The following SPRYD7 variants were observed in gnomAD, a reference collection of about 807,000 sequenced individuals.
SPRYD7 encodes the protein SPRY domain-containing protein 7.
In SPRYD7, 14 loss-of-function variants were observed where a neutral mutation model predicts 23.8. That is an observed-to-expected ratio of 0.59 (90% CI 0.39 to 0.92). The LOEUF is 0.92. Among genes scored for constraint, SPRYD7 ranks in the 40% least tolerant of loss-of-function variants. SPRYD7 has a pLI of 0.00. For missense variants in SPRYD7, 194 were observed against 241.7 expected, an observed-to-expected ratio of 0.80 and a Z score of 1.31; for synonymous variants, 75 against 84.9, an observed-to-expected ratio of 0.88 and a Z score of 0.64.
intron 3 of SPRYD7, among the ~76,000 whole-genome samples, chr13:49,925,536 G>A (rs550291434): frequency 8.5e-5 from 13 of 152,210 alleles, no homozygotes; most frequent in South Asian, 4.2e-4. Flanking sequence ...AGTAGGCCGG[G>A]CACGGTGGCT....
Position 49,922,296 on chromosome 13 carries a change from TATAA to T in SPRYD7, c.391-720_391-717del, listed in dbSNP as rs1566403322. Among the ~76,000 whole-genome samples the T allele has an allele frequency of 1.1e-4, 16 of 148,878 alleles. No homozygotes were observed. The South Asian group carries it at 3.3e-3, about 31-fold the overall frequency. ...TGTTAAAATAATTATTTTATAATTA[TATAA>T]ATAAAATATTTATTTGTATAAATAT... is the stretch of plus-strand genomic sequence containing the variant. On this transcript the variant is annotated intron_variant, in intron 3 of 4. Transcript: ENST00000361840.
intron 1 of SPRYD7, 68 bp downstream of exon 1, chr13:49,936,062 G>A (rs1871610167): frequency 2.6e-6 from 3 of 1,173,642 alleles, no homozygotes; most frequent in Admixed American, 5.5e-5. Context: ...CTCTGACCCT[G>A]AAGGTCCCCC....
intron 4 of SPRYD7, among the ~76,000 whole-genome samples, chr13:49,917,316 G>A (rs1955763788): frequency 6.6e-6 from 1 of 152,130 alleles, no homozygotes; most frequent in Non-Finnish European, 1.5e-5. Context: ...TGTTAGCCAG[G>A]ATGGTCTCAA....
intron 2 of SPRYD7, among the ~76,000 whole-genome samples, chr13:49,929,532 G>A (rs1356993208): frequency 6.6e-6 from 1 of 152,066 alleles, no homozygotes; most frequent in East Asian, 1.9e-4. Context: ...GTCTTGTACT[G>A]TTGCCCAGGC....
chr13:49,921,696 T>C, intron 3 of SPRYD7, 116 bp from the exon 4 acceptor site: 1 of 636,870 alleles, frequency 1.6e-6, no homozygotes, highest in Non-Finnish European at 2.8e-6. Flanking sequence ...TCATTAAGGG[T>C]TGACAATTTG....
intron 4 of SPRYD7, among the ~76,000 whole-genome samples, chr13:49,915,494 A>T (rs1470228335): frequency 2.0e-5 from 3 of 152,258 alleles, no homozygotes; most frequent in South Asian, 2.1e-4. Flanking sequence ...ATTACTTTTT[A>T]AAAAAATGTT....
rs770956032 is a variant in SPRYD7 at position 49,915,057 on chromosome 13, A to G, written c.*6T>C. On this transcript the variant is annotated 3_prime_UTR_variant, in exon 5 of 5. Transcript: ENST00000361840. ...GCAGAAATACAAGTTTTAAAAACAA[A>G]TACATTCAGAAGATTTGCTGTTCAA... is the stretch of plus-strand genomic sequence containing the variant. The G allele has an allele frequency of 2.0e-6, 3 of 1,518,240 alleles. No individual in the cohort carries two copies. The highest frequency in any genetic ancestry group is 3.5e-4 in the Middle Eastern group (2 of 5,758). 94.0% of individuals were successfully genotyped at this position (1,518,240 alleles called of 1,614,324 possible). A position where few individuals can be genotyped will look rare whatever the true frequency, so the allele number is the denominator to read the frequency against.
chr13:49,917,637 A>G (rs1955767459), intron 4 of SPRYD7, among the ~76,000 whole-genome samples: 1 of 152,254 alleles, frequency 6.6e-6, no homozygotes, highest in African/African-American at 2.4e-5. Context: ...ATAATTTAGT[A>G]TCTATAACCT....
intron 1 of SPRYD7, among the ~76,000 whole-genome samples, chr13:49,931,572 A>C (rs1014798933): frequency 1.3e-5 from 2 of 152,238 alleles, no homozygotes; most frequent in African/African-American, 4.8e-5. Flanking sequence ...ACTTTGAAAT[A>C]TAGCTGAATT....
chr13:49,917,053 T>C (rs1460332402), intron 4 of SPRYD7, among the ~76,000 whole-genome samples: 1 of 152,204 alleles, frequency 6.6e-6, no homozygotes, highest in South Asian at 2.1e-4. Flanking sequence ...TGAAAATTAT[T>C]GAGAGCTCAG....
intron 1 of SPRYD7, 46 bp downstream of exon 1, chr13:49,936,084 C>T: frequency 2.1e-6 from 3 of 1,451,984 alleles, no homozygotes; most frequent in African/African-American, 1.4e-5. Context: ...GCCCGCCGCG[C>T]CCGGCCCCCG....
chr13:49,933,445 T>C (rs1871469572), intron 1 of SPRYD7, among the ~76,000 whole-genome samples: 1 of 151,666 alleles, frequency 6.6e-6, no homozygotes, highest in Non-Finnish European at 1.5e-5. Flanking sequence ...CTACTAAAAA[T>C]ACAAAAATTA....
At position 49,924,449 on chromosome 13, in the gene SPRYD7, T is replaced by C. The variant is rs372068237; in HGVS notation, c.391-2869A>G. Among the ~76,000 whole-genome samples, 5 of 152,068 alleles carry C rather than the reference T, an allele frequency of 3.3e-5. No homozygotes were observed. In the East Asian group the frequency reaches 7.7e-4, roughly 24 times the overall value. ...TGCCACTATGCCCGGCTAATTTTCT[T>C]TTTAAATTTTATTTATTTATTTATT... is the stretch of plus-strand genomic sequence containing the variant. On this transcript the variant is annotated intron_variant, in intron 3 of 4. Transcript: ENST00000361840.
At position 49,928,169 on chromosome 13, in the gene SPRYD7, A is replaced by C. The variant is rs965976988; in HGVS notation, c.224-84T>G. On this transcript the variant is annotated intron_variant, in intron 2 of 4. Transcript: ENST00000361840. ...TTTAAAAGGGAGTATAAACTTTTTA[A>C]AGGAAGTGCTGTATTAACACTAAAT... 3 of 1,232,040 alleles carry C rather than the reference A, an allele frequency of 2.4e-6. No individual in the cohort carries two copies. The African/African-American group carries it at 4.6e-5, about 19-fold the overall frequency. 76.3% of individuals were successfully genotyped at this position (1,232,040 alleles called of 1,614,324 possible).
chr13:49,921,020 A>C (rs1386727743), intron 4 of SPRYD7, among the ~76,000 whole-genome samples: 7 of 152,160 alleles, frequency 4.6e-5, no homozygotes, highest in Non-Finnish European at 1.0e-4. Flanking sequence ...CCAGATTTCT[A>C]GATGATAGCT....
At chr13:49,919,796 T>A (rs1207445756) in intron 4 of SPRYD7, among the ~76,000 whole-genome samples, 2 of 150,274 alleles carry the variant, frequency 1.3e-5, no homozygotes, top group African/African-American at 4.9e-5. Context: ...GACATTGTGG[T>A]TATGTTTTTC....
chr13:49,926,734 T>A (rs952218144), intron 3 of SPRYD7, among the ~76,000 whole-genome samples: 62 of 147,132 alleles, frequency 4.2e-4, no homozygotes, highest in African/African-American at 1.3e-3. Flanking sequence ...GGATTTCTCT[T>A]ATCTTTTCAT....
At chr13:49,924,429 C>T (rs142147406) in intron 3 of SPRYD7, among the ~76,000 whole-genome samples, 1 of 152,106 alleles carries the variant, frequency 6.6e-6, no homozygotes, top group Non-Finnish European at 1.5e-5. Context: ...GGGCATGCCA[C>T]TATGCCCGGC....
chr13:49,933,792 G>C (rs762396740), intron 1 of SPRYD7, among the ~76,000 whole-genome samples: 1 of 151,956 alleles, frequency 6.6e-6, no homozygotes, highest in Non-Finnish European at 1.5e-5. Flanking sequence ...CATAAACATA[G>C]CCACAGAGGA....
Sources: allele counts gnomAD v4.1 joint callset (sites outside exome capture counted in the v4.1 genomes callset), GRCh38; gene constraint gnomAD v4.1.1; transcripts MANE v1.5; gene names NCBI Gene and HGNC (gene_info 2026-07-23, HGNC 2026-07-21).